The following CSMD1 variants were observed in gnomAD, a reference collection of about 807,000 sequenced individuals.
CSMD1 encodes the protein CUB and Sushi multiple domains 1, also known as CUB and sushi domain-containing protein 1.
Under a neutral mutation model 417.5 loss-of-function variants are expected in CSMD1, and 213 were observed. The ratio of observed to expected loss-of-function variants is 0.51; its 90% CI spans 0.46 to 0.57. The LOEUF (loss-of-function observed/expected upper bound fraction) is 0.57. Ranked by LOEUF, CSMD1 falls within the 20% of genes least tolerant of loss-of-function variation. The pLI, the probability that CSMD1 is intolerant of heterozygous loss-of-function variation, is 0.00. For synonymous variants in CSMD1, 2,862 were observed against 1,736.8 expected (o/e 1.65, Z -16.11); for missense variants, 6,923 against 4,529.7 (o/e 1.53, Z -15.17).
intron 5 of CSMD1, among the ~76,000 whole-genome samples, chr8:3,991,781 T>C (rs768867008): frequency 9.2e-5 from 14 of 152,306 alleles, no homozygotes; most frequent in East Asian, 1.9e-4. Flanking sequence ...GGAGGAAATA[T>C]ACCTTGGGAC....
intron 2 of CSMD1, among the ~76,000 whole-genome samples, chr8:4,615,264 C>CT (rs1448481896): frequency 6.6e-6 from 1 of 152,308 alleles, no homozygotes; most frequent in African/African-American, 2.4e-5. Context: ...ACGTGGAGAG[C>CT]TTAAGGCACT....
chr8:4,832,291 G>A (rs1800201581), intron 1 of CSMD1, among the ~76,000 whole-genome samples: 1 of 152,122 alleles, frequency 6.6e-6, no homozygotes, highest in South Asian at 2.1e-4. Flanking sequence ...GAGATGTTCA[G>A]TCCTTAGCGC....
At chr8:4,400,845 T>G (rs1263040192) in intron 3 of CSMD1, among the ~76,000 whole-genome samples, 1 of 152,092 alleles carries the variant, frequency 6.6e-6, no homozygotes, top group African/African-American at 2.4e-5. Context: ...GAACATTTTT[T>G]ATTTAATAGC....
chr8:3,003,100 A>G (rs1807559687), intron 52 of CSMD1, among the ~76,000 whole-genome samples: 2 of 152,212 alleles, frequency 1.3e-5, no homozygotes, highest in African/African-American at 2.4e-5. Context: ...GTTTTAAAAC[A>G]TTCAAAATCT....
intron 3 of CSMD1, among the ~76,000 whole-genome samples, chr8:4,209,867 T>A (rs1800204997): frequency 6.6e-6 from 1 of 152,226 alleles, no homozygotes; most frequent in South Asian, 2.1e-4. Context: ...CAGAAATTTC[T>A]AGAATGTAGG....
At chr8:3,451,619 T>C (rs1425452716) in intron 12 of CSMD1, among the ~76,000 whole-genome samples, 3 of 152,204 alleles carry the variant, frequency 2.0e-5, no homozygotes, top group East Asian at 3.8e-4. Flanking sequence ...AAAGAGCAGA[T>C]ACTTGTAGAT....
intron 1 of CSMD1, among the ~76,000 whole-genome samples, chr8:4,786,350 A>G (rs4875384): frequency 0.083 from 12,685 of 152,262 alleles, 636 homozygotes; most frequent in East Asian, 0.22. Context: ...AATATTTTAC[A>G]GCAGTTGAGA....
chr8:3,080,033 G>A (rs934569016), intron 49 of CSMD1, among the ~76,000 whole-genome samples: 4 of 152,154 alleles, frequency 2.6e-5, no homozygotes, highest in Admixed American at 6.5e-5. Context: ...GAGAAAGACT[G>A]TTTTTTGTAC....
At chr8:4,948,301 AGTT>A (rs1808501773) in intron 1 of CSMD1, among the ~76,000 whole-genome samples, 1 of 152,020 alleles carries the variant, frequency 6.6e-6, no homozygotes, top group Non-Finnish European at 1.5e-5. Flanking sequence ...TGTTAGGTAT[AGTT>A]GTTATTTTGT....
At chr8:3,156,606 G>A (rs1218160890) in intron 39 of CSMD1, among the ~76,000 whole-genome samples, 1 of 152,152 alleles carries the variant, frequency 6.6e-6, no homozygotes, top group South Asian at 2.1e-4. Context: ...ACTCTCTCCA[G>A]TGCAAAATTC....
chr8:4,472,776 A>G (rs1800608129), intron 2 of CSMD1, among the ~76,000 whole-genome samples: 1 of 152,020 alleles, frequency 6.6e-6, no homozygotes, highest in African/African-American at 2.4e-5. Context: ...AAGTTATTTT[A>G]AAATACCATT....
chr8:3,455,294 A>G (rs1260597091), intron 12 of CSMD1, among the ~76,000 whole-genome samples: 2 of 152,118 alleles, frequency 1.3e-5, no homozygotes, highest in Non-Finnish European at 2.9e-5. Flanking sequence ...GATCATCTGA[A>G]GCCTTCTTCT....
chr8:3,141,041 C>T (rs1464711582), intron 41 of CSMD1, among the ~76,000 whole-genome samples: 1 of 152,198 alleles, frequency 6.6e-6, no homozygotes, highest in Non-Finnish European at 1.5e-5. Context: ...CCATATGGAT[C>T]AACTCCGTGC....
intron 5 of CSMD1, among the ~76,000 whole-genome samples, chr8:3,792,055 T>A (rs1799776687): frequency 6.6e-6 from 1 of 152,158 alleles, no homozygotes; most frequent in Non-Finnish European, 1.5e-5. Flanking sequence ...CCTCAAAGTT[T>A]AACCAAATCT....
rs1253387061 is a variant in CSMD1 at position 4,723,791 on chromosome 8, AAAAAAAAAAC to A, written c.86-86243_86-86234del. Reference sequence around the variant, plus strand: ...AATGCAATATGCTTTCGAATGTAAAAAAAAAAAAACAAAAAAAAAACAAAACAAAACAGTG... The same window carrying A: ...AATGCAATATGCTTTCGAATGTAAAAAAAAAAAAAACAAAACAAAACAGTG... On this transcript the variant is annotated intron_variant, in intron 1 of 69. Coordinates refer to ENST00000635120, the MANE Select transcript of CSMD1 (RefSeq NM_033225.6). Among the ~76,000 whole-genome samples the A allele has an allele frequency of 2.6e-3, 387 of 147,440 alleles. 5 individuals carry two copies. Among genetic ancestry groups the A allele is most frequent in the African/African-American group, 9.7e-3 (373 of 38,620 alleles).
rs1804779417 is a variant in CSMD1, at chr8:3,305,669, A to AACTT, written c.3950+2022_3950+2025dup. 2.0e-5 allele frequency among the ~76,000 whole-genome samples: 3 copies of AACTT among 152,100 alleles called. No individual in the cohort carries two copies. The East Asian group carries it at 5.8e-4, about 29-fold the overall frequency. On this transcript the variant is annotated intron_variant, in intron 25 of 69. Transcript: ENST00000635120. ...GAACTGTTAAGAAACTAAACTTCTT[A>AACTT]ACTTACTAAGTCTGTAATATTCTTT...
intron 55 of CSMD1, among the ~76,000 whole-genome samples, chr8:2,977,445 T>G (rs558543855): frequency 6.6e-6 from 1 of 152,260 alleles, no homozygotes; most frequent in Non-Finnish European, 1.5e-5. Flanking sequence ...TTCTTTTTTA[T>G]GGCTGCATCA....
In CSMD1 at chr8:4,023,858, C is replaced by T. The variant is rs191415923; in HGVS notation, c.610+8047G>A. On this transcript the variant is annotated intron_variant, in intron 4 of 69. Coordinates refer to ENST00000635120, the MANE Select transcript of CSMD1 (RefSeq NM_033225.6). ...GGCCTCGATCTCCTGACCTCGGGAT[C>T]TGCCCGCCTTGGCCTCCCAAAGTGC... Among the ~76,000 whole-genome samples, 464 of 145,446 alleles carry T rather than the reference C, an allele frequency of 3.2e-3. 1 individual carries two copies. Among genetic ancestry groups the T allele is most frequent in the African/African-American group, 0.011 (442 of 39,542 alleles).
chr8:3,277,235 T>A (rs1802362834), intron 26 of CSMD1, among the ~76,000 whole-genome samples: 1 of 152,160 alleles, frequency 6.6e-6, no homozygotes, highest in African/African-American at 2.4e-5. Flanking sequence ...TTTTTGGCAG[T>A]GGGGAGAATG....
Sources: allele counts gnomAD v4.1 joint callset (sites outside exome capture counted in the v4.1 genomes callset), GRCh38; gene constraint gnomAD v4.1.1; transcripts MANE v1.5; gene names NCBI Gene and HGNC (gene_info 2026-07-23, HGNC 2026-07-21).